Variants in PDE4D observed in about 807,000 individuals in gnomAD.
PDE4D encodes the protein phosphodiesterase 4D.
In PDE4D, 24 loss-of-function variants were observed where a neutral mutation model predicts 87.4. The ratio of observed to expected loss-of-function variants is 0.27; its 90% CI spans 0.20 to 0.39. PDE4D has a LOEUF of 0.39. PDE4D is among the 10% of genes least tolerant of loss of function. PDE4D has a pLI of 1.00. For synonymous variants in PDE4D, 384 were observed against 383.2 expected, an observed-to-expected ratio of 1.00 and a Z score of -0.02; for missense variants, 714 against 1,041.0, an observed-to-expected ratio of 0.69 and a Z score of 4.32.
chr5:59,692,757 G>A (rs1174913276), intron 1 of PDE4D, among the ~76,000 whole-genome samples: 3 of 152,056 alleles, frequency 2.0e-5, no homozygotes, highest in Non-Finnish European at 4.4e-5. Context: ...TAAAGGTTCT[G>A]GCATCATGGA....
intron 6 of PDE4D, among the ~76,000 whole-genome samples, chr5:59,010,791 A>G (rs1752631510): frequency 1.3e-5 from 2 of 152,090 alleles, no homozygotes; most frequent in South Asian, 4.1e-4. Context: ...TGAAAAGAGT[A>G]GTGGATCTCC....
intron 11 of PDE4D, among the ~76,000 whole-genome samples, chr5:58,980,215 CATAA>C (rs1031430473): frequency 6.6e-6 from 1 of 152,090 alleles, no homozygotes; most frequent in African/African-American, 2.4e-5. Context: ...CTTTTATACA[CATAA>C]ATATTTACAT....
At chr5:59,409,841 C>T (rs991332001) in intron 1 of PDE4D, among the ~76,000 whole-genome samples, 1 of 152,042 alleles carries the variant, frequency 6.6e-6, no homozygotes, top group African/African-American at 2.4e-5. Context: ...ATTGGGCAAC[C>T]ATCTAATGCC....
chr5:60,146,960 A>G (rs1342696314), intron 2 of PDE4D, among the ~76,000 whole-genome samples: 2 of 152,156 alleles, frequency 1.3e-5, no homozygotes, highest in Non-Finnish European at 2.9e-5. Flanking sequence ...AGAAGAAAAA[A>G]AGATAATAAA....
intron 5 of PDE4D, among the ~76,000 whole-genome samples, chr5:59,110,335 G>C (rs893905063): frequency 6.6e-6 from 1 of 152,142 alleles, no homozygotes; most frequent in Non-Finnish European, 1.5e-5. Context: ...ACACTACTCT[G>C]TAAGGACCTG....
chr5:59,821,641 A>G (rs1419014643), intron 1 of PDE4D, among the ~76,000 whole-genome samples: 1 of 152,178 alleles, frequency 6.6e-6, no homozygotes, highest in Non-Finnish European at 1.5e-5. Context: ...TTTAGTTGCT[A>G]TATTGTTGAG....
At chr5:60,469,898 C>G (rs892847687) in intron 1 of PDE4D, among the ~76,000 whole-genome samples, 1 of 152,128 alleles carries the variant, frequency 6.6e-6, no homozygotes, top group Non-Finnish European at 1.5e-5. Flanking sequence ...CAATTAATAA[C>G]CCTACAATTT....
chr5:59,805,345 A>C (rs983082526), intron 1 of PDE4D, among the ~76,000 whole-genome samples: 1 of 152,218 alleles, frequency 6.6e-6, no homozygotes, highest in Non-Finnish European at 1.5e-5. Flanking sequence ...AGGTCCTAAA[A>C]TATACCTAGG....
chr5:60,489,154 C>T (rs1197862981), upstream of PDE4D, among the ~76,000 whole-genome samples: 1 of 152,124 alleles, frequency 6.6e-6, no homozygotes, highest in Non-Finnish European at 1.5e-5. Context: ...CACCACACCC[C>T]TTAGATACTT....
intron 1 of PDE4D, among the ~76,000 whole-genome samples, chr5:60,409,621 C>T (rs1243969513): frequency 6.6e-6 from 1 of 152,148 alleles, no homozygotes; most frequent in East Asian, 1.9e-4. Context: ...CTGTGCTCTT[C>T]CTTGCTTTTC....
chr5:60,285,180 G>C (rs370258321), intron 1 of PDE4D, among the ~76,000 whole-genome samples: 6 of 151,984 alleles, frequency 3.9e-5, no homozygotes, highest in African/African-American at 1.2e-4. Context: ...TGTTACATCA[G>C]TCTACATAAT....
chr5:60,176,224 C>T (rs1783887273), intron 2 of PDE4D, among the ~76,000 whole-genome samples: 1 of 152,156 alleles, frequency 6.6e-6, no homozygotes, highest in Non-Finnish European at 1.5e-5. Flanking sequence ...TGCTGGTTTA[C>T]ATGACATCTG....
At chr5:59,162,818 G>A (rs1472587725) in intron 5 of PDE4D, among the ~76,000 whole-genome samples, 3 of 136,502 alleles carry the variant, frequency 2.2e-5, no homozygotes, top group East Asian at 4.1e-4. Flanking sequence ...TTGTGCCACC[G>A]CAATCTAGCC....
At chr5:59,158,107 G>C (rs1185771689) in intron 5 of PDE4D, among the ~76,000 whole-genome samples, 1 of 152,142 alleles carries the variant, frequency 6.6e-6, no homozygotes, top group Non-Finnish European at 1.5e-5. Context: ...CAAAGCCCAA[G>C]ACCACTCCCT....
At chr5:59,225,351 A>G (rs1187065094) in intron 1 of PDE4D, among the ~76,000 whole-genome samples, 1 of 152,044 alleles carries the variant, frequency 6.6e-6, no homozygotes, top group Non-Finnish European at 1.5e-5. Context: ...ATTCTGTTCT[A>G]TTGGTTTTAT....
chr5:60,322,359 G>GACAC (rs1215655090), intron 1 of PDE4D, among the ~76,000 whole-genome samples: 13 of 90,226 alleles, frequency 1.4e-4, no homozygotes, highest in Non-Finnish European at 2.3e-4. Flanking sequence ...AATATATATG[G>GACAC]ACACACATAC....
At chr5:59,558,273 C>T (rs1819323715) in intron 1 of PDE4D, among the ~76,000 whole-genome samples, 1 of 151,912 alleles carries the variant, frequency 6.6e-6, no homozygotes, top group East Asian at 1.9e-4. Context: ...CAGAAAATGA[C>T]AAGGACAATA....
chr5:60,335,835 A>G (rs1223274818), intron 1 of PDE4D, among the ~76,000 whole-genome samples: 5 of 152,226 alleles, frequency 3.3e-5, no homozygotes, highest in Admixed American at 2.6e-4. Flanking sequence ...GAGCATGGCT[A>G]AAGTTTGGTA....
chr5:59,034,001 C>T (rs1455925135), intron 6 of PDE4D, among the ~76,000 whole-genome samples: 1 of 152,070 alleles, frequency 6.6e-6, no homozygotes, highest in Non-Finnish European at 1.5e-5. Context: ...AAGTTTTATG[C>T]TAAGGTAACA....
Sources: gnomAD v4.1 joint callset for allele counts (sites outside exome capture counted in the v4.1 genomes callset) on GRCh38, gnomAD v4.1.1 for gene constraint, MANE v1.5 for transcripts, NCBI Gene and HGNC (gene_info 2026-07-23, HGNC 2026-07-21) for gene names.